The following ACBD3 variants were observed in gnomAD, a reference collection of about 807,000 sequenced individuals.
ACBD3 encodes acyl-CoA binding domain containing 3.
In ACBD3, 30 loss-of-function variants were observed where a neutral mutation model predicts 66.9. The observed-to-expected ratio is 0.45, with a 90% CI of 0.34 to 0.61. The LOEUF (loss-of-function observed/expected upper bound fraction) is 0.61. Among genes scored for constraint, ACBD3 ranks in the 20% least tolerant of loss-of-function variants. The pLI, the probability that ACBD3 is intolerant of heterozygous loss-of-function variation, is 0.02. For missense variants in ACBD3, 544 were observed against 664.5 expected (o/e 0.82, Z 1.99); for synonymous variants, 278 against 259.8 (o/e 1.07, Z -0.68).
At chr1:226,151,731 G>A (rs1659575867) in intron 7 of ACBD3, among the ~76,000 whole-genome samples, 1 of 152,194 alleles carries the variant, frequency 6.6e-6, no homozygotes, top group South Asian at 2.1e-4. Flanking sequence ...AAGTGGGTCG[G>A]GTGCTGTGGC....
In ACBD3 at chr1:226,145,842, AAACAAAAC is replaced by A. The variant is rs1396688097; in HGVS notation, c.*760_*767del. Reference sequence around the variant, plus strand: ...TGAGATACTCTATGAAGCCAAAACAAAACAAAACAAAACAAAAAACCTGTATTTTGCTA... The same window carrying A: ...TGAGATACTCTATGAAGCCAAAACAAAAAACAAAAAACCTGTATTTTGCTA... On this transcript the variant is annotated 3_prime_UTR_variant, in exon 8 of 8. Coordinates refer to ENST00000366812, the MANE Select transcript of ACBD3 (RefSeq NM_022735.4). 1 of 152,308 alleles carries A rather than the reference AAACAAAAC, an allele frequency of 6.6e-6. No homozygotes were observed. The highest frequency in any genetic ancestry group is 1.5e-5 in the Non-Finnish European group (1 of 68,030). The allele number at this position is 152,308 out of a possible 1,614,324, so 9.4% of individuals were successfully genotyped here.
In ACBD3 at chr1:226,166,075, C is replaced by T; in HGVS notation, c.287-75G>A. 2.1e-6 allele frequency: 3 copies of T among 1,456,070 alleles called. No homozygotes were observed. The South Asian group carries it at 4.3e-5, about 21-fold the overall frequency. 90.2% of individuals were successfully genotyped at this position (1,456,070 alleles called of 1,614,324 possible). A position where few individuals can be genotyped will look rare whatever the true frequency, so the allele number is the denominator to read the frequency against. On this transcript the variant is annotated intron_variant, in intron 1 of 7. Coordinates refer to ENST00000366812, the MANE Select transcript of ACBD3 (RefSeq NM_022735.4). ...TAATTTTCAGCATTATATACTAAAG[C>T]TTTGCTACAAAGCATGTCACAAACT...
intron 1 of ACBD3, among the ~76,000 whole-genome samples, chr1:226,171,441 G>A (rs1659990810): frequency 1.3e-5 from 2 of 152,092 alleles, no homozygotes; most frequent in South Asian, 4.1e-4. Context: ...GAGCCACTGT[G>A]CCTGGTCGAG....
At chr1:226,169,170 G>A (rs187435262) in intron 1 of ACBD3, among the ~76,000 whole-genome samples, 1 of 152,012 alleles carries the variant, frequency 6.6e-6, no homozygotes, top group African/African-American at 2.4e-5. Context: ...CCCCCTTCTC[G>A]CTTTTAACAA....
intron 7 of ACBD3, chr1:226,148,180 CT>C (rs1659495361): frequency 6.6e-6 from 1 of 152,148 alleles, no homozygotes; most frequent in Non-Finnish European, 1.5e-5. Flanking sequence ...CTAAAAACAT[CT>C]GAATAAATAT....
Position 226,152,351 on chromosome 1 carries a change from G to GTCA in ACBD3, c.1356_1358dup (p.Asp454dup). ...GGGTTCTACCTTCTTCCTCCTCGTC[G>GTCA]TCATCGCTGGACTCACTGACATGCA... is the stretch of plus-strand genomic sequence containing the variant. On this transcript the variant is annotated inframe_insertion, in exon 7 of 8. Coordinates refer to ENST00000366812, the MANE Select transcript of ACBD3 (RefSeq NM_022735.4). 1 of 1,614,058 alleles carries GTCA rather than the reference G, an allele frequency of 6.2e-7. No homozygotes were observed. The highest frequency in any genetic ancestry group is 1.1e-5 in the South Asian group (1 of 91,080).
At chr1:226,163,899 T>C (rs929271186) in intron 3 of ACBD3, among the ~76,000 whole-genome samples, 1 of 151,926 alleles carries the variant, frequency 6.6e-6, no homozygotes, top group Non-Finnish European at 1.5e-5. Context: ...GGCGGGTGGA[T>C]CACCTGAGGT....
chr1:226,146,631 G>A lies in ACBD3; in HGVS notation c.1566C>T (p.Tyr522=). ...YSLWRSKSVY[Y]RVYYTR ...ATTTTTATCTAGTATAATAGACTCTGTAGTAGACTGATTTTGACCGCCACA... is the reference window on the plus strand; with the variant it reads ...ATTTTTATCTAGTATAATAGACTCTATAGTAGACTGATTTTGACCGCCACA... Residue 522 remains tyrosine, a synonymous_variant, in exon 8 of 8, where the codon TAC becomes TAT. Coordinates refer to ENST00000366812, the MANE Select transcript of ACBD3 (RefSeq NM_022735.4). The A allele has an allele frequency of 1.2e-6, 2 of 1,613,756 alleles. No homozygotes were observed. The highest frequency in any genetic ancestry group is 1.1e-5 in the South Asian group (1 of 91,064).
chr1:226,173,383 C>A (rs904946018), intron 1 of ACBD3, among the ~76,000 whole-genome samples: 1 of 152,124 alleles, frequency 6.6e-6, no homozygotes, highest in Non-Finnish European at 1.5e-5. Flanking sequence ...TTTCAGTAAG[C>A]ATATGTACTT....
chr1:226,179,939 G>A (rs1028140761), intron 1 of ACBD3, among the ~76,000 whole-genome samples: 4 of 151,982 alleles, frequency 2.6e-5, no homozygotes, highest in African/African-American at 7.3e-5. Flanking sequence ...TTGGGAGGCC[G>A]AGGTGGATGG....
At chr1:226,157,723 T>G (rs1659702981) in intron 5 of ACBD3, among the ~76,000 whole-genome samples, 1 of 152,096 alleles carries the variant, frequency 6.6e-6, no homozygotes, top group Admixed American at 6.6e-5. Context: ...TTTTCTTTTT[T>G]AAGAGATGGG....
At chr1:226,157,094 T>C (rs143317179) in intron 5 of ACBD3, among the ~76,000 whole-genome samples, 152 of 152,318 alleles carry the variant, frequency 1.0e-3, no homozygotes, top group African/African-American at 3.5e-3. Flanking sequence ...AATTAACAAA[T>C]GTGTTCATTT....
intron 1 of ACBD3, among the ~76,000 whole-genome samples, chr1:226,183,478 G>A (rs999224243): frequency 1.3e-5 from 2 of 148,528 alleles, no homozygotes; most frequent in East Asian, 2.2e-4. Context: ...TACCACACCC[G>A]GCCGAAAATG....
chr1:226,182,749 G>A (rs1429763797), intron 1 of ACBD3, among the ~76,000 whole-genome samples: 5 of 152,104 alleles, frequency 3.3e-5, no homozygotes, highest in African/African-American at 1.2e-4. Flanking sequence ...GGCTTTCATG[G>A]CTCTTGGCCT....
At chr1:226,166,029 A>G in intron 1 of ACBD3, 29 bp from the exon 2 acceptor site, 1 of 1,592,730 alleles carries the variant, frequency 6.3e-7, no homozygotes, top group Non-Finnish European at 8.5e-7. Context: ...CAAAGAAAAC[A>G]ATTAGCACAG....
At chr1:226,171,112 G>A (rs9727329) in intron 1 of ACBD3, among the ~76,000 whole-genome samples, 21,129 of 150,704 alleles carry the variant, frequency 0.14, 1,667 homozygotes, top group Middle Eastern at 0.22. Context: ...TTGATAATGT[G>A]AACTAGGCGC....
In ACBD3 at chr1:226,163,811, G is replaced by T. The variant is rs1021048005; in HGVS notation, c.569+978C>A. Among the ~76,000 whole-genome samples, 14 of 152,236 alleles carry T rather than the reference G, an allele frequency of 9.2e-5. No homozygotes were observed. In the East Asian group the frequency reaches 2.1e-3, roughly 23 times the overall value. ...ATCCAGGTTAAGGTAGGAAACCAGA[G>T]AATCAATTGTTTTTAAAGAATAACA... On this transcript the variant is annotated intron_variant, in intron 3 of 7. Transcript: ENST00000366812.
intron 1 of ACBD3, among the ~76,000 whole-genome samples, chr1:226,181,663 T>C (rs542471611): frequency 8.3e-4 from 126 of 152,314 alleles, no homozygotes; most frequent in Non-Finnish European, 1.2e-3. Flanking sequence ...GCATAGTACC[T>C]GAGATTTAGT....
chr1:226,183,832 T>A (rs1656230238), intron 1 of ACBD3, among the ~76,000 whole-genome samples: 1 of 133,576 alleles, frequency 7.5e-6, no homozygotes, highest in Non-Finnish European at 1.5e-5. Context: ...TGCAGTGAGC[T>A]GAGATCGCGC....
Sources: gnomAD v4.1 joint callset for allele counts (sites outside exome capture counted in the v4.1 genomes callset) on GRCh38, gnomAD v4.1.1 for gene constraint, MANE v1.5 for transcripts, NCBI Gene and HGNC (gene_info 2026-07-23, HGNC 2026-07-21) for gene names.